Variants in STS observed in about 807,000 individuals in gnomAD.
STS encodes the protein steroid sulfatase, also known as steryl-sulfatase.
A neutral mutation model predicts 26.8 loss-of-function variants in STS; 7 were observed. That is an observed-to-expected ratio of 0.26 (90% confidence interval 0.15 to 0.49). The LOEUF is 0.49. Ranked by LOEUF, STS falls within the 20% of genes least tolerant of loss-of-function variation. The pLI is 0.98. For synonymous variants in STS, 199 were observed against 189.4 expected, an observed-to-expected ratio of 1.05 and a Z score of -0.42; for missense variants, 434 against 465.6, an observed-to-expected ratio of 0.93 and a Z score of 0.63.
chrX:7,323,428 A>G (rs1423569801), intron 8 of STS, among the ~76,000 whole-genome samples: 1 of 110,845 alleles, frequency 9.0e-6, no homozygotes, highest in Non-Finnish European at 1.9e-5. Context: ...CTTTATGTTT[A>G]TGAGTACTGA....
intron 1 of STS, among the ~76,000 whole-genome samples, chrX:7,156,897 T>C (rs1308925141): frequency 8.9e-6 from 1 of 112,186 alleles, no homozygotes; most frequent in African/African-American, 3.2e-5. Context: ...TGCCCTTTCC[T>C]GTGCCATACC....
intron 7 of STS, among the ~76,000 whole-genome samples, chrX:7,290,751 G>A (rs1273619200): frequency 8.9e-6 from 1 of 112,022 alleles, no homozygotes; most frequent in Non-Finnish European, 1.9e-5. Flanking sequence ...TTAAATGTGG[G>A]CAGGTGACCT....
At chrX:7,277,017 G>C (rs1023608250) in intron 7 of STS, among the ~76,000 whole-genome samples, 5 of 111,697 alleles carry the variant, frequency 4.5e-5, no homozygotes, top group African/African-American at 1.6e-4. Context: ...CAGCTAAGGG[G>C]TTGGCTGGCA....
chrX:7,208,394 G>A (rs1431150058), intron 2 of STS, among the ~76,000 whole-genome samples: 1 of 111,957 alleles, frequency 8.9e-6, no homozygotes, highest in Non-Finnish European at 1.9e-5. Flanking sequence ...AGAAATGGCA[G>A]GTTACTATTC....
At chrX:7,269,012 A>G (rs1167720538) in intron 6 of STS, among the ~76,000 whole-genome samples, 3 of 106,892 alleles carry the variant, frequency 2.8e-5, no homozygotes, top group Non-Finnish European at 3.8e-5. Context: ...TTAGCTCGGC[A>G]TGGTCGTGCA....
At chrX:7,166,810 C>T (rs1432115823) in intron 1 of STS, among the ~76,000 whole-genome samples, 1 of 111,788 alleles carries the variant, frequency 8.9e-6, no homozygotes, top group African/African-American at 3.3e-5. Flanking sequence ...GAACGGTTGT[C>T]TTCAAGACCA....
intron 1 of STS, among the ~76,000 whole-genome samples, chrX:7,159,404 A>G (rs1933198626): frequency 8.9e-6 from 1 of 112,080 alleles, no homozygotes; most frequent in Non-Finnish European, 1.9e-5. Context: ...ACAGGCTGGC[A>G]AGGCTTAGGC....
chrX:7,234,433 G>A (rs1016999069), intron 2 of STS, among the ~76,000 whole-genome samples: 2 of 112,354 alleles, frequency 1.8e-5, no homozygotes, highest in African/African-American at 6.5e-5. Context: ...CGACATGCAA[G>A]GAAAGGGACT....
chrX:7,175,052 T>G (rs770886607), intron 1 of STS, among the ~76,000 whole-genome samples: 1 of 110,660 alleles, frequency 9.0e-6, no homozygotes, highest in African/African-American at 3.3e-5. Context: ...TGATTAACAC[T>G]TCTAGTTATC....
chrX:7,267,620 G>A (rs190441111), intron 6 of STS, among the ~76,000 whole-genome samples: 70 of 111,905 alleles, frequency 6.3e-4, no homozygotes, highest in African/African-American at 2.1e-3. Flanking sequence ...AAATCACTTC[G>A]TGTTTTTCTC....
At chrX:7,168,941 A>G (rs994673246) in intron 1 of STS, among the ~76,000 whole-genome samples, 10 of 111,870 alleles carry the variant, frequency 8.9e-5, no homozygotes, top group African/African-American at 3.3e-4. Context: ...GGTATTAACA[A>G]AATAGCTTCA....
At chrX:7,185,409 T>C (rs1362265114) in intron 1 of STS, among the ~76,000 whole-genome samples, 1 of 113,295 alleles carries the variant, frequency 8.8e-6, no homozygotes, top group African/African-American at 3.2e-5. Flanking sequence ...TGTATTTCAA[T>C]AAATCTTTAT....
intron 8 of STS, among the ~76,000 whole-genome samples, chrX:7,320,394 A>G (rs1926971782): frequency 9.1e-6 from 1 of 109,970 alleles, no homozygotes; most frequent in Non-Finnish European, 1.9e-5. Context: ...CGTTACATCT[A>G]GAAGATTAAC....
At chrX:7,217,529 G>C (rs1360843394) in intron 2 of STS, among the ~76,000 whole-genome samples, 1 of 111,606 alleles carries the variant, frequency 9.0e-6, no homozygotes, top group Non-Finnish European at 1.9e-5. Context: ...CCTCTCTATG[G>C]CAACTTTTTG....
chrX:7,334,074 T>C lies in STS; in HGVS notation c.1330T>C (p.Tyr444His), dbSNP rs1351838817. The change falls in exon 10 of 11, where the codon TAC becomes CAC. Residue 444 changes from tyrosine (Y) to histidine (H), a missense_variant. Around this residue, in one of 2 missense-constraint regions of STS, gnomAD observed 205 missense variants for 177.3 expected, o/e 1.16. Transcript: ENST00000674429. ...HEFLFHYCNAYLNAVRWHPQN... is the reference protein window; with the variant it reads ...HEFLFHYCNAHLNAVRWHPQN... ...GTTTCTCTTCCATTACTGCAACGCCTACTTAAATGCTGTGCGCTGGCACCC... is the reference window on the plus strand; with the variant it reads ...GTTTCTCTTCCATTACTGCAACGCCCACTTAAATGCTGTGCGCTGGCACCC... The C allele has an allele frequency of 1.7e-6, 2 of 1,211,490 alleles. No individual in the cohort carries two copies. The highest frequency in any genetic ancestry group is 3.5e-5 in the African/African-American group (2 of 57,762).
intron 2 of STS, among the ~76,000 whole-genome samples, chrX:7,209,367 A>G (rs1439791957): frequency 9.3e-6 from 1 of 107,246 alleles, no homozygotes; most frequent in African/African-American, 3.3e-5. Context: ...TGTATTTTAT[A>G]TATAATTTTA....
At chrX:7,217,398 T>C (rs1921352021) in intron 2 of STS, among the ~76,000 whole-genome samples, 1 of 112,004 alleles carries the variant, frequency 8.9e-6, no homozygotes, top group African/African-American at 3.2e-5. Flanking sequence ...TTGCATCACA[T>C]ACCACATTTT....
chrX:7,247,039 G>A (rs945708535), intron 2 of STS, among the ~76,000 whole-genome samples: 3 of 111,627 alleles, frequency 2.7e-5, no homozygotes, highest in Non-Finnish European at 5.7e-5. Flanking sequence ...TAGCAAATAT[G>A]TGTGTGTGTG....
intron 2 of STS, among the ~76,000 whole-genome samples, chrX:7,236,437 T>C (rs1313922332): frequency 8.9e-6 from 1 of 112,465 alleles, no homozygotes; most frequent in East Asian, 2.8e-4. Flanking sequence ...GCTATTTTCA[T>C]TAAACCAATA....
Sources: gnomAD v4.1 joint callset for allele counts (sites outside exome capture counted in the v4.1 genomes callset) on GRCh38, gnomAD v4.1.1 for gene constraint, gnomAD v4.1.1 regional missense constraint, MANE v1.5 for transcripts, NCBI Gene and HGNC (gene_info 2026-07-23, HGNC 2026-07-21) for gene names.